TF: variants seen among roughly 807,000 people sequenced by gnomAD.
TF encodes the protein serotransferrin.
Under a neutral mutation model 82.4 loss-of-function variants are expected in TF, and 55 were observed. The observed-to-expected ratio is 0.67, with a 90% confidence interval of 0.54 to 0.84. The LOEUF (loss-of-function observed/expected upper bound fraction) is 0.84. TF is among the 40% of genes least tolerant of loss of function. The pLI, the probability that TF is intolerant of heterozygous loss-of-function variation, is 0.00. For missense variants in TF, 737 were observed against 868.4 expected (o/e 0.85, Z 1.90); for synonymous variants, 332 against 332.6 (o/e 1.00, Z 0.02).
At chr3:133,755,083 G>A (rs1260510631) in intron 4 of TF, among the ~76,000 whole-genome samples, 1 of 152,242 alleles carries the variant, frequency 6.6e-6, no homozygotes, top group Non-Finnish European at 1.5e-5. Flanking sequence ...TCCAGCCTCT[G>A]ACAAAGCAGG....
At position 133,750,774 on chromosome 3, in the gene TF, T is replaced by A. The variant is rs146323182; in HGVS notation, c.216+2190T>A. On this transcript the variant is annotated intron_variant, in intron 2 of 16. Transcript: ENST00000402696. ...GCTCTCGTTTGTTTGCTTCATTTTT[T>A]AAAAAATATATATATATTTTATTAT... Among the ~76,000 whole-genome samples the A allele has an allele frequency of 1.3e-3, 197 of 152,014 alleles. 2 individuals carry two copies. In the East Asian group the frequency reaches 0.024, roughly 19 times the overall value.
the TF span, among the ~76,000 whole-genome samples, chr3:133,722,696 T>G: frequency 3.3e-5 from 5 of 152,216 alleles, no homozygotes; most frequent in African/African-American, 1.2e-4. Context: ...GTTAATATTT[T>G]TGTTGCCCTA....
the TF span, among the ~76,000 whole-genome samples, chr3:133,685,999 G>T: frequency 5.3e-5 from 8 of 152,154 alleles, no homozygotes; most frequent in Non-Finnish European, 1.2e-4. Context: ...CCAAAAGAGA[G>T]ATATAGACCA....
intron 1 of TF, 142 bp from the exon 2 acceptor site, chr3:133,748,270 T>C (rs1372487679): frequency 9.5e-6 from 10 of 1,054,450 alleles, no homozygotes; most frequent in Non-Finnish European, 1.3e-5. Flanking sequence ...GCAGTAGAAC[T>C]TGTGCCCTGT....
At chr3:133,720,717 T>C in the TF span, among the ~76,000 whole-genome samples, 30 of 152,140 alleles carry the variant, frequency 2.0e-4, no homozygotes, top group Non-Finnish European at 1.9e-4. Flanking sequence ...AGTGAAGCCA[T>C]TGGGTCCTGG....
At chr3:133,716,446 T>G in the TF span, among the ~76,000 whole-genome samples, 4 of 152,232 alleles carry the variant, frequency 2.6e-5, no homozygotes, top group African/African-American at 9.6e-5. Flanking sequence ...AATACCTTGC[T>G]GCTTTCTGTG....
chr3:133,664,519 A>C, the TF span, among the ~76,000 whole-genome samples: 6 of 151,926 alleles, frequency 3.9e-5, no homozygotes, highest in Non-Finnish European at 5.9e-5. Flanking sequence ...GACGGGTTTC[A>C]CCTTGTTGGC....
At chr3:133,732,253 G>A in the TF span, among the ~76,000 whole-genome samples, 1 of 152,286 alleles carries the variant, frequency 6.6e-6, no homozygotes, top group Admixed American at 6.5e-5. Context: ...TGGGCTTCTG[G>A]GTCGGGTGGG....
chr3:133,680,873 T>A, the TF span, among the ~76,000 whole-genome samples: 1 of 152,178 alleles, frequency 6.6e-6, no homozygotes, highest in African/African-American at 2.4e-5. Context: ...CTCCAGTTAT[T>A]TAATTCCCTG....
At chr3:133,739,469 T>A in the TF span, among the ~76,000 whole-genome samples, 1 of 151,904 alleles carries the variant, frequency 6.6e-6, no homozygotes, top group Admixed American at 6.6e-5. Context: ...ACAAATGGGA[T>A]CTAATTAAAA....
At chr3:133,754,348 A>T (rs1158813025) in intron 3 of TF, 147 bp from the exon 4 acceptor site, 1 of 773,656 alleles carries the variant, frequency 1.3e-6, no homozygotes, top group Non-Finnish European at 2.2e-6. Flanking sequence ...AACCCTAGGA[A>T]GGTTTTCCTG....
At position 133,756,966 on chromosome 3, in the gene TF, G is replaced by A; in HGVS notation, c.827G>A (p.Gly276Asp). Residue 276 changes from glycine (G) to aspartate (D), a missense_variant, in exon 7 of 17, where the codon GGC becomes GAC. Coordinates refer to ENST00000402696, the MANE Select transcript of TF (RefSeq NM_001063.4). ...CATACCGTCGTGGCCCGAAGTATGG[G>A]CGGCAAGGAGGACTTGATCTGGGAG... ...PSHTVVARSM[G>D]GKEDLIWELL... 6.2e-7 allele frequency: 1 copy of A among 1,614,152 alleles called. No individual in the cohort carries two copies. The highest frequency in any genetic ancestry group is 8.5e-7 in the Non-Finnish European group (1 of 1,180,008).
At chr3:133,697,906 T>C in the TF span, among the ~76,000 whole-genome samples, 1 of 152,190 alleles carries the variant, frequency 6.6e-6, no homozygotes, top group Non-Finnish European at 1.5e-5. Flanking sequence ...AATAGGGATA[T>C]AGGGTAATCA....
chr3:133,775,563 G>A lies in TF; in HGVS notation c.1818G>A (p.Val606=), dbSNP rs1396356636. 3.1e-6 allele frequency: 5 copies of A among 1,614,048 alleles called. No homozygotes were observed. In the African/African-American group the frequency reaches 6.7e-5, roughly 22 times the overall value. ...TGGCCAGAGCCCCGAATCACGCTGT[G>A]GTCACACGGAAAGATAAGGAAGCTT... ...CHLARAPNHA[V]VTRKDKEACV... is the part of the protein sequence containing the mutation. The change falls in exon 15 of 17, where the codon GTG becomes GTA. Residue 606 remains valine, a synonymous_variant. Transcript: ENST00000402696.
the TF span, among the ~76,000 whole-genome samples, chr3:133,675,132 C>T: frequency 6.6e-6 from 1 of 150,738 alleles, no homozygotes; most frequent in African/African-American, 2.4e-5. Flanking sequence ...GTAGTCCCAG[C>T]TACTCCGGAG....
rs71136494 is a variant in TF at position 133,771,743 on chromosome 3, C to CAAAAAAAAA, written c.1687+1186_1687+1194dup. 3.7e-4 allele frequency among the ~76,000 whole-genome samples: 21 copies of CAAAAAAAAA among 56,538 alleles called. 1 individual carries two copies. Among genetic ancestry groups the CAAAAAAAAA allele is most frequent in the African/African-American group, 7.0e-4 (7 of 9,970 alleles). 37.1% of individuals were successfully genotyped at this position (56,538 alleles called of 152,430 possible). A position where few individuals can be genotyped will look rare whatever the true frequency, so the allele number is the denominator to read the frequency against. ...TGGGCGACAGAGCGAGACTCCGTCT[C>CAAAAAAAAA]AAAAAAAAAAAAAAAAAAAAAAAGA... On this transcript the variant is annotated intron_variant, in intron 14 of 16. Transcript: ENST00000402696.
intron 9 of TF, chr3:133,761,500 A>C (rs930898700): frequency 1.2e-4 from 18 of 152,206 alleles, no homozygotes; most frequent in African/African-American, 3.9e-4. Context: ...TCTCAAAAAA[A>C]TAAAAAATAA....
rs755720921 is a variant in TF at position 133,764,855 on chromosome 3, C to G, written c.1298-20C>G. On this transcript the variant is annotated intron_variant, in intron 10 of 16. Transcript: ENST00000402696. Reference sequence around the variant, plus strand: ...ATAAATCAGGGTTTAATGCCTTTTTCATTTTCTTTTCTCCTGCAGAGAGCG... The same window carrying G: ...ATAAATCAGGGTTTAATGCCTTTTTGATTTTCTTTTCTCCTGCAGAGAGCG... The G allele has an allele frequency of 6.2e-7, 1 of 1,612,238 alleles. No individual in the cohort carries two copies. The highest frequency in any genetic ancestry group is 8.5e-7 in the Non-Finnish European group (1 of 1,179,222).
chr3:133,663,071 A>C, the TF span, among the ~76,000 whole-genome samples: 1 of 152,172 alleles, frequency 6.6e-6, no homozygotes, highest in Admixed American at 6.5e-5. Flanking sequence ...TCAATATCTG[A>C]TCAGGTTCCT....
Sources: allele counts gnomAD v4.1 joint callset (sites outside exome capture counted in the v4.1 genomes callset), GRCh38; gene constraint gnomAD v4.1.1; transcripts MANE v1.5; gene names NCBI Gene and HGNC (gene_info 2026-07-23, HGNC 2026-07-21).